Variants in CCDC40 observed in about 807,000 individuals in gnomAD.
The protein encoded by CCDC40 is coiled-coil domain 40 molecular ruler complex subunit, also known as coiled-coil domain-containing protein 40.
In CCDC40, 104 loss-of-function variants were observed where a neutral mutation model predicts 124.5. That is an observed-to-expected ratio of 0.84 (90% CI 0.71 to 0.98). CCDC40 has a LOEUF of 0.98. CCDC40 is among the 50% of genes least tolerant of loss of function. The pLI is 0.00. For synonymous variants in CCDC40, 580 were observed against 602.9 expected (o/e 0.96, Z 0.56); for missense variants, 1,463 against 1,503.9 (o/e 0.97, Z 0.45).
At chr17:80,072,574 T>C (rs566259655) in intron 10 of CCDC40, among the ~76,000 whole-genome samples, 32 of 152,284 alleles carry the variant, frequency 2.1e-4, no homozygotes, top group African/African-American at 7.7e-4. Context: ...CTGGGGATAA[T>C]TTATGTACAA....
chr17:80,091,329 A>G lies in CCDC40; in HGVS notation c.2832+1445A>G, dbSNP rs2038717673. Reference sequence around the variant, plus strand: ...CACACACACACACACACACACACACACACACACACACACAGAGAGAGAGAG... The same window carrying G: ...CACACACACACACACACACACACACGCACACACACACACAGAGAGAGAGAG... On this transcript the variant is annotated intron_variant, in intron 17 of 19. Transcript: ENST00000397545. Among the ~76,000 whole-genome samples the G allele has an allele frequency of 6.6e-5, 10 of 151,600 alleles. No homozygotes were observed. The South Asian group carries it at 2.1e-3, about 32-fold the overall frequency.
chr17:80,048,542 C>T lies in CCDC40; in HGVS notation c.677-41C>T, dbSNP rs373246873. On this transcript the variant is annotated intron_variant, in intron 4 of 19. Transcript: ENST00000397545. ...CCAGAATAGAATCACTGAGGCTTCT[C>T]TCCAGCAGCTCCTCAATGGTGTCGC... 9.1e-6 allele frequency: 14 copies of T among 1,546,320 alleles called. No individual in the cohort carries two copies. The African/African-American group carries it at 1.5e-4, about 16-fold the overall frequency.
At position 80,066,938 on chromosome 17, in the gene CCDC40, G is replaced by T. The variant is rs2038061163; in HGVS notation, c.1562+1332G>T. Reference sequence around the variant, plus strand: ...GGGCTCCTCTCCCTGTGTCACCAGGGTTGCCTGAACACCAGGACGAGAGGA... The same window carrying T: ...GGGCTCCTCTCCCTGTGTCACCAGGTTTGCCTGAACACCAGGACGAGAGGA... On this transcript the variant is annotated intron_variant, in intron 10 of 19. Coordinates refer to ENST00000397545, the MANE Select transcript of CCDC40 (RefSeq NM_017950.4). The surrounding 1 kb of genome is among the most constrained non-coding windows in gnomAD (Gnocchi z 4.4). 1 of 152,590 alleles carries T rather than the reference G, an allele frequency of 6.6e-6. No individual in the cohort carries two copies. Among genetic ancestry groups the T allele is most frequent in the African/African-American group, 2.4e-5 (1 of 41,422 alleles). 9.5% of individuals were successfully genotyped at this position (152,590 alleles called of 1,614,324 possible). A position where few individuals can be genotyped will look rare whatever the true frequency, so the allele number is the denominator to read the frequency against.
intron 3 of CCDC40, among the ~76,000 whole-genome samples, chr17:80,041,790 T>C (rs568775403): frequency 4.6e-5 from 7 of 152,248 alleles, no homozygotes; most frequent in African/African-American, 1.7e-4. Flanking sequence ...GAGGCTTTAG[T>C]GGGACTATCA....
rs2038885619 is a variant in CCDC40 at position 80,099,769 on chromosome 17, C to A, written c.3423C>A (p.Pro1141=). 1.9e-6 allele frequency: 3 copies of A among 1,612,724 alleles called. No homozygotes were observed. The highest frequency in any genetic ancestry group is 4.5e-5 in the East Asian group (2 of 44,870). ...MIANKLESPG[P]S is the part of the protein sequence containing the mutation. ...CCAACAAGCTCGAGTCACCAGGGCC[C>A]TCCTAGGGAGCAGCCTGGACTCCGC... Residue 1141 remains proline, a synonymous_variant, in exon 20 of 20, where the codon CCC becomes CCA. Transcript: ENST00000397545.
rs893227240 is a variant in CCDC40, at chr17:80,043,492, C to T, written c.552+3222C>T. On this transcript the variant is annotated intron_variant, in intron 3 of 19. Coordinates refer to ENST00000397545, the MANE Select transcript of CCDC40 (RefSeq NM_017950.4). ...TCGCTCACATCTATATTTATTGGAACACACCCCTGCGGCCGGCCTTGGCTC... is the reference window on the plus strand; with the variant it reads ...TCGCTCACATCTATATTTATTGGAATACACCCCTGCGGCCGGCCTTGGCTC... Among the ~76,000 whole-genome samples, 13 of 71,052 alleles carry T rather than the reference C, an allele frequency of 1.8e-4. No homozygotes were observed. In the African/African-American group the frequency reaches 2.3e-3, roughly 13 times the overall value. 46.6% of individuals were successfully genotyped at this position (71,052 alleles called of 152,430 possible). A position where few individuals can be genotyped will look rare whatever the true frequency, so the allele number is the denominator to read the frequency against.
chr17:80,048,046 G>T (rs2143608402), intron 4 of CCDC40, among the ~76,000 whole-genome samples: 1 of 152,320 alleles, frequency 6.6e-6, no homozygotes, highest in Middle Eastern at 3.4e-3. Flanking sequence ...ATCACCTGAG[G>T]TCAGGTGTTC....
chr17:80,042,871 T>C (rs994314381), intron 3 of CCDC40, among the ~76,000 whole-genome samples: 6 of 152,074 alleles, frequency 3.9e-5, no homozygotes, highest in African/African-American at 1.4e-4. Flanking sequence ...TGTTTTTTTT[T>C]TTTTAATCAT....
chr17:80,056,016 ATTTT>A (rs1193599741), intron 7 of CCDC40, among the ~76,000 whole-genome samples: 4 of 10,258 alleles, frequency 3.9e-4, no homozygotes, highest in African/African-American at 1.4e-3. Context: ...ATATATATAT[ATTTT>A]TTTTTTTTTT....
chr17:80,049,126 A>G (rs28397044), intron 5 of CCDC40, among the ~76,000 whole-genome samples: 48,454 of 151,676 alleles, frequency 0.32, 10,513 homozygotes, highest in African/African-American at 0.62. Flanking sequence ...TGGACGTGGT[A>G]GCTCATGCCT....
intron 12 of CCDC40, 120 bp downstream of exon 12, chr17:80,082,178 C>G (rs530835502): frequency 1.4e-6 from 1 of 702,488 alleles, no homozygotes; most frequent in South Asian, 1.5e-5. Flanking sequence ...CTCCTGTGCT[C>G]ACTCCTTTCC....
At position 80,077,480 on chromosome 17, in the gene CCDC40, G is replaced by A. The variant is rs1043603984; in HGVS notation, c.1563-4066G>A. Among the ~76,000 whole-genome samples, 9 of 152,160 alleles carry A rather than the reference G, an allele frequency of 5.9e-5. 1 individual carries two copies. Among genetic ancestry groups the A allele is most frequent in the South Asian group, 4.1e-4 (2 of 4,832 alleles). On this transcript the variant is annotated intron_variant, in intron 10 of 19. Coordinates refer to ENST00000397545, the MANE Select transcript of CCDC40 (RefSeq NM_017950.4). ...GGAGGTTGCAGTGAGCCGAGATTGC[G>A]CCATTGCACTCCAGCCTGGGTGACA...
rs1186248208 is a variant in CCDC40, at chr17:80,058,906, G to A, written c.1366G>A (p.Asp456Asn). 3 of 1,614,184 alleles carry A rather than the reference G, an allele frequency of 1.9e-6. No individual in the cohort carries two copies. The South Asian group carries it at 3.3e-5, about 18-fold the overall frequency. ...CACTCGAGCCCAGCAACTGGAAGAA[G>A]ACATTGCCCTGTTTGAGGCTCAGTA... The part of the protein sequence containing the change: ...LTTRAQQLEE[D>N]IALFEAQYLA... Residue 456 changes from aspartate (D) to asparagine (N), a missense_variant, in exon 9 of 20, where the codon GAC (aspartate) becomes AAC (asparagine). Physicochemically the swap from Asp to Asn is conservative, Grantham distance 23. Transcript: ENST00000397545. This position sits in a 1 kb window ranked among gnomAD's most constrained non-coding sequence, Gnocchi z 4.2.
In CCDC40 at chr17:80,088,055, G is replaced by C; in HGVS notation, c.2664G>C (p.Gln888His). Residue 888 changes from glutamine (Q) to histidine (H), a missense_variant, in exon 16 of 20, where the codon CAG (glutamine) becomes CAC (histidine). Transcript: ENST00000397545. ...TCAAGATGCAGGACAAGCTGAACCA[G>C]CTCAGCGAGGAGAAGGCGACCCTCC... ...ETIKMQDKLN[Q>H]LSEEKATLLN... 1.2e-6 allele frequency: 2 copies of C among 1,613,640 alleles called. No homozygotes were observed. Among genetic ancestry groups the C allele is most frequent in the Non-Finnish European group, 1.7e-6 (2 of 1,179,846 alleles).
At chr17:80,080,010 G>A (rs2038409982) in intron 10 of CCDC40, among the ~76,000 whole-genome samples, 1 of 151,910 alleles carries the variant, frequency 6.6e-6, no homozygotes, top group East Asian at 1.9e-4. Flanking sequence ...TGGATCACTT[G>A]AGGTCAGGAG....
intron 3 of CCDC40, among the ~76,000 whole-genome samples, chr17:80,046,572 G>A (rs1217517832): frequency 7.2e-6 from 1 of 139,006 alleles, no homozygotes; most frequent in Non-Finnish European, 1.6e-5. Flanking sequence ...AGTGGTTTCT[G>A]CGTGTCTGCA....
intron 7 of CCDC40, among the ~76,000 whole-genome samples, chr17:80,052,966 T>C (rs1001662529): frequency 1.2e-4 from 18 of 152,198 alleles, no homozygotes; most frequent in Non-Finnish European, 1.8e-4. Flanking sequence ...AGTTGAAAAC[T>C]GAATTTCTTA....
At chr17:80,043,472 C>A (rs1311559501) in intron 3 of CCDC40, among the ~76,000 whole-genome samples, 1 of 151,664 alleles carries the variant, frequency 6.6e-6, no homozygotes, top group Non-Finnish European at 1.5e-5. Flanking sequence ...GACATTCGCT[C>A]ACATCTATAT....
chr17:80,067,505 C>T (rs922041237), intron 10 of CCDC40: 21 of 1,216,196 alleles, frequency 1.7e-5, no homozygotes, highest in East Asian at 1.3e-4. Context: ...CATTTAACAG[C>T]GTGTCCCTAG....
Sources: allele counts gnomAD v4.1 joint callset (sites outside exome capture counted in the v4.1 genomes callset), GRCh38; gene constraint gnomAD v4.1.1; non-coding constraint Gnocchi (gnomAD v3.1); transcripts MANE v1.5; gene names NCBI Gene and HGNC (gene_info 2026-07-23, HGNC 2026-07-21).